MYO10: variants seen among roughly 807,000 people sequenced by gnomAD.
The protein encoded by MYO10 is myosin X, also known as unconventional myosin-X.
MYO10 carries 133 observed loss-of-function variants against 257.3 expected under a neutral mutation model. The ratio of observed to expected loss-of-function variants is 0.52; its 90% CI spans 0.45 to 0.60. MYO10 has a LOEUF of 0.60. MYO10 is among the 20% of genes least tolerant of loss of function. MYO10 has a pLI of 0.00. For synonymous variants in MYO10, 1,104 were observed against 1,028.6 expected, an observed-to-expected ratio of 1.07 and a Z score of -1.40; for missense variants, 2,399 against 2,635.7, an observed-to-expected ratio of 0.91 and a Z score of 1.97.
In MYO10 at chr5:16,669,496, G is replaced by A. The variant is rs1300761326; in HGVS notation, c.5884-1028C>T. 4.6e-5 allele frequency among the ~76,000 whole-genome samples: 7 copies of A among 152,182 alleles called. No individual in the cohort carries two copies. In the South Asian group the frequency reaches 6.2e-4, roughly 14 times the overall value. On this transcript the variant is annotated intron_variant, in intron 39 of 40. Transcript: ENST00000513610. ...TGGGATTACAGGCATGAGCCACCGC[G>A]CCCGGCCAAGCCAGTAGCTTTCTAT...
intron 30 of MYO10, 106 bp downstream of exon 30, chr5:16,683,774 C>G: frequency 1.8e-6 from 2 of 1,111,286 alleles, no homozygotes; most frequent in South Asian, 2.7e-5. Flanking sequence ...CACAGCCTTG[C>G]GTGATTTCAC....
intron 2 of MYO10, among the ~76,000 whole-genome samples, chr5:16,828,395 G>C (rs1315008011): frequency 6.6e-6 from 1 of 152,104 alleles, no homozygotes; most frequent in African/African-American, 2.4e-5. Context: ...TGGATCACCT[G>C]AGGTCAGGAG....
rs527663978 is a variant in MYO10, at chr5:16,747,656, C to T, written c.1929+7172G>A. Among the ~76,000 whole-genome samples, 6 of 152,288 alleles carry T rather than the reference C, an allele frequency of 3.9e-5. No individual in the cohort carries two copies. The East Asian group carries it at 9.7e-4, about 25-fold the overall frequency. On this transcript the variant is annotated intron_variant, in intron 19 of 40. Coordinates refer to ENST00000513610, the MANE Select transcript of MYO10 (RefSeq NM_012334.3). ...GATAGAGGCTGGACGCGGTGGCTCA[C>T]ACCTGTAATCCCAGCACTTCGGGAG...
intron 2 of MYO10, among the ~76,000 whole-genome samples, chr5:16,837,093 C>T (rs1391112421): frequency 6.6e-6 from 1 of 152,038 alleles, no homozygotes; most frequent in Non-Finnish European, 1.5e-5. Context: ...GGCAGATCAC[C>T]TGAGGTCAGG....
intron 3 of MYO10, among the ~76,000 whole-genome samples, chr5:16,802,590 G>C (rs941455983): frequency 1.4e-5 from 2 of 147,930 alleles, no homozygotes; most frequent in Non-Finnish European, 3.0e-5. Flanking sequence ...CCGGGAGGCA[G>C]AGCTTGCAGT....
At chr5:16,687,602 T>C (rs1210200134) in intron 28 of MYO10, among the ~76,000 whole-genome samples, 5 of 151,830 alleles carry the variant, frequency 3.3e-5, no homozygotes, top group Non-Finnish European at 7.4e-5. Context: ...TGACACCATA[T>C]GTAAAGGTAG....
At chr5:16,903,629 G>C (rs1745445427) in intron 1 of MYO10, among the ~76,000 whole-genome samples, 1 of 152,144 alleles carries the variant, frequency 6.6e-6, no homozygotes, top group Non-Finnish European at 1.5e-5. Flanking sequence ...GCAGCTAAGA[G>C]GTTAAATAAG....
intron 2 of MYO10, among the ~76,000 whole-genome samples, chr5:16,848,155 C>CTTTTTTTTTTTTTCTTTTTTTTT (rs1554002460): frequency 8.8e-6 from 1 of 113,568 alleles, no homozygotes; most frequent in African/African-American, 3.7e-5. Context: ...CTACACATTT[C>CTTTTTTTTTTTTTCTTTTTTTTT]TTTTTTTTTT....
rs767672423 is a variant in MYO10 at position 16,666,802 on chromosome 5, G to T, written c.6076-9C>A. On this transcript the variant is annotated splice_polypyrimidine_tract_variant and intron_variant, in intron 40 of 40. Transcript: ENST00000513610. ...TTGGCCACATCCACCACCTGCCCAGGGGGAAGCAGAACCGACACAGCGTCA... is the reference window on the plus strand; with the variant it reads ...TTGGCCACATCCACCACCTGCCCAGTGGGAAGCAGAACCGACACAGCGTCA... The T allele has an allele frequency of 6.3e-7, 1 of 1,589,548 alleles. No individual in the cohort carries two copies. Among genetic ancestry groups the T allele is most frequent in the South Asian group, 1.1e-5 (1 of 87,792 alleles).
At chr5:16,884,934 T>A (rs1284181331) in intron 1 of MYO10, among the ~76,000 whole-genome samples, 1 of 152,176 alleles carries the variant, frequency 6.6e-6, no homozygotes, top group East Asian at 1.9e-4. Context: ...TACAAAACCA[T>A]TCACTGTCAG....
intron 2 of MYO10, among the ~76,000 whole-genome samples, chr5:16,846,992 C>T (rs1743652631): frequency 6.6e-6 from 1 of 152,076 alleles, no homozygotes; most frequent in Admixed American, 6.6e-5. Context: ...GTGGCACACA[C>T]CTGTAATCCC....
At chr5:16,932,594 C>T (rs1432840978) in intron 1 of MYO10, among the ~76,000 whole-genome samples, 1 of 152,064 alleles carries the variant, frequency 6.6e-6, no homozygotes, top group Non-Finnish European at 1.5e-5. Context: ...ACAATTAACT[C>T]GAGGGGAGCC....
chr5:16,870,690 G>T (rs747830919), intron 2 of MYO10, among the ~76,000 whole-genome samples: 111 of 152,170 alleles, frequency 7.3e-4, no homozygotes, highest in Non-Finnish European at 9.0e-4. Context: ...GTTGGGAGTT[G>T]GAGACCAGCC....
intron 19 of MYO10, among the ~76,000 whole-genome samples, chr5:16,737,667 G>A (rs1461637524): frequency 6.6e-6 from 1 of 152,148 alleles, no homozygotes; most frequent in Non-Finnish European, 1.5e-5. Context: ...CATCAGCATC[G>A]ACAGCCCAGT....
intron 25 of MYO10, among the ~76,000 whole-genome samples, chr5:16,700,546 G>A (rs947248121): frequency 6.6e-6 from 1 of 151,950 alleles, no homozygotes; most frequent in Non-Finnish European, 1.5e-5. Context: ...GTGTGCTGGC[G>A]GGCATCTGTA....
intron 1 of MYO10, among the ~76,000 whole-genome samples, chr5:16,878,660 G>T (rs2126763052): frequency 6.6e-6 from 1 of 152,276 alleles, no homozygotes; most frequent in East Asian, 1.9e-4. Context: ...CCATAAAAAG[G>T]AATGAAATAA....
chr5:16,823,147 G>A (rs2126710106), intron 2 of MYO10, among the ~76,000 whole-genome samples: 1 of 150,868 alleles, frequency 6.6e-6, no homozygotes, highest in African/African-American at 2.4e-5. Context: ...TAAGTTTAAA[G>A]AATGGCATTA....
In MYO10 at chr5:16,738,348, TGCTG is replaced by T. The variant is rs371314104; in HGVS notation, c.1929+16476_1929+16479del. The T allele has an allele frequency of 5.9e-4, 582 of 985,366 alleles. 6 individuals carry two copies. The African/African-American group carries it at 9.8e-3, about 17-fold the overall frequency. The allele number at this position is 985,366 out of a possible 1,614,324, so 61.0% of individuals were successfully genotyped here. On this transcript the variant is annotated intron_variant, in intron 19 of 40. Transcript: ENST00000513610. The stretch of plus-strand genomic sequence containing the variant: ...TAAGAGGCAGGGCAGAGAGAAACTG[TGCTG>T]GCTGGGAAGCTTCCTGCAGAAGGGT...
At chr5:16,667,363 C>T (rs1187563814) in intron 40 of MYO10, among the ~76,000 whole-genome samples, 17 of 152,158 alleles carry the variant, frequency 1.1e-4, no homozygotes, top group Admixed American at 9.2e-4. Flanking sequence ...TCATTGCCAC[C>T]CCTTCTCACA....
Sources: allele counts gnomAD v4.1 joint callset (sites outside exome capture counted in the v4.1 genomes callset), GRCh38; gene constraint gnomAD v4.1.1; transcripts MANE v1.5; gene names NCBI Gene and HGNC (gene_info 2026-07-23, HGNC 2026-07-21).